ZFHX3: variants seen among roughly 807,000 people sequenced by gnomAD.
ZFHX3 encodes the protein zinc finger homeobox 3.
In ZFHX3, 42 loss-of-function variants were observed where a neutral mutation model predicts 279.1. That is an observed-to-expected ratio of 0.15 (90% CI 0.12 to 0.19). ZFHX3 has a LOEUF of 0.19. Among genes scored for constraint, ZFHX3 ranks in the 10% least tolerant of loss-of-function variants. The probability of loss-of-function intolerance (pLI) is 1.00; values close to 1 mark genes in which losing one functional copy is unlikely to be tolerated. For missense variants in ZFHX3, 4,981 were observed against 4,754.0 expected, an observed-to-expected ratio of 1.05 and a Z score of -1.40; for synonymous variants, 2,293 against 1,957.8, an observed-to-expected ratio of 1.17 and a Z score of -4.52.
At chr16:73,357,355 G>A (rs541521633) in intron 3 of ZFHX3, among the ~76,000 whole-genome samples, 57 of 150,718 alleles carry the variant, frequency 3.8e-4, no homozygotes, top group Middle Eastern at 3.4e-3. Flanking sequence ...GAGAGAGAGA[G>A]AAAACAGGAA....
At chr16:73,622,587 A>C (rs781321459) in intron 2 of ZFHX3, among the ~76,000 whole-genome samples, 2 of 151,862 alleles carry the variant, frequency 1.3e-5, no homozygotes, top group Non-Finnish European at 2.9e-5. Flanking sequence ...GAAAGAAAGA[A>C]AGAATTTGGA....
At chr16:72,834,935 C>G (rs1213853977) in intron 4 of ZFHX3, among the ~76,000 whole-genome samples, 3 of 152,190 alleles carry the variant, frequency 2.0e-5, no homozygotes, top group Non-Finnish European at 2.9e-5. Flanking sequence ...ACTAGTCCCT[C>G]TGTTCCTAAC....
intron 2 of ZFHX3, among the ~76,000 whole-genome samples, chr16:73,508,337 A>T (rs531640761): frequency 3.4e-4 from 52 of 152,242 alleles, no homozygotes; most frequent in South Asian, 1.5e-3. Flanking sequence ...CTCTTTACTC[A>T]TCTAAAAAGA....
chr16:73,882,632 C>T (rs923153819), intron 1 of ZFHX3, among the ~76,000 whole-genome samples: 1 of 151,944 alleles, frequency 6.6e-6, no homozygotes, highest in African/African-American at 2.4e-5. Context: ...AAGATAGAGC[C>T]AGGGTCTGGA....
chr16:73,285,852 TA>T (rs2014582328), intron 4 of ZFHX3, among the ~76,000 whole-genome samples: 1 of 152,220 alleles, frequency 6.6e-6, no homozygotes, highest in African/African-American at 2.4e-5. Context: ...TTTACATTAT[TA>T]AAAACACACG....
chr16:72,864,449 A>G (rs1476646), intron 4 of ZFHX3, among the ~76,000 whole-genome samples: 2 of 150,488 alleles, frequency 1.3e-5, no homozygotes, highest in East Asian at 2.0e-4. Context: ...TTGTCTTTGT[A>G]GGAAGTCTTG....
intron 3 of ZFHX3, among the ~76,000 whole-genome samples, chr16:73,431,071 A>T (rs1248203043): frequency 1.3e-5 from 2 of 152,232 alleles, no homozygotes; most frequent in African/African-American, 2.4e-5. Flanking sequence ...AATTACAGAG[A>T]AAGAGTGGAT....
At chr16:72,858,876 G>A (rs1227309186) in intron 4 of ZFHX3, among the ~76,000 whole-genome samples, 1 of 152,208 alleles carries the variant, frequency 6.6e-6, no homozygotes, top group East Asian at 1.9e-4. Context: ...CGGGTCTCCT[G>A]CTCAGCTTCA....
intron 9 of ZFHX3, chr16:72,790,614 G>T (rs2035658174): frequency 1.3e-5 from 2 of 152,250 alleles, no homozygotes; most frequent in African/African-American, 4.8e-5. Context: ...TAGCCAAGGA[G>T]AAAGGTTCCT....
intron 5 of ZFHX3, among the ~76,000 whole-genome samples, chr16:73,252,274 G>T (rs1004470773): frequency 2.6e-5 from 4 of 152,174 alleles, no homozygotes; most frequent in African/African-American, 9.7e-5. Flanking sequence ...AAGAAGAAAA[G>T]ACTTGAGGTG....
chr16:73,406,133 C>T (rs911064246), intron 3 of ZFHX3, among the ~76,000 whole-genome samples: 14 of 152,372 alleles, frequency 9.2e-5, no homozygotes, highest in African/African-American at 2.2e-4. Flanking sequence ...CAGATGCCTG[C>T]GCATCAGCTG....
At chr16:72,887,746 C>T (rs1414825910) in intron 4 of ZFHX3, among the ~76,000 whole-genome samples, 1 of 148,968 alleles carries the variant, frequency 6.7e-6, no homozygotes, top group Non-Finnish European at 1.5e-5. Context: ...TAGTATATGG[C>T]TTGTGTGGGT....
At chr16:73,106,304 G>C (rs554227938) in intron 7 of ZFHX3, among the ~76,000 whole-genome samples, 1 of 152,134 alleles carries the variant, frequency 6.6e-6, no homozygotes, top group African/African-American at 2.4e-5. Context: ...TTATTATTTA[G>C]TGATGGTGAA....
At chr16:73,572,319 C>T (rs550679249) in intron 2 of ZFHX3, among the ~76,000 whole-genome samples, 2 of 152,200 alleles carry the variant, frequency 1.3e-5, no homozygotes, top group East Asian at 1.9e-4. Context: ...TGAAGAGTCA[C>T]GGCCTGCATT....
At position 72,835,625 on chromosome 16, in the gene ZFHX3, G is replaced by A. The variant is rs150566701; in HGVS notation, c.3449-5766C>T. Reference sequence around the variant, plus strand: ...GACCACTGAAGCAGGTGGGAAAGGCGGGGTACACTCTGACCATCAAGACTG... The same window carrying A: ...GACCACTGAAGCAGGTGGGAAAGGCAGGGTACACTCTGACCATCAAGACTG... On this transcript the variant is annotated intron_variant, in intron 4 of 9. Coordinates refer to ENST00000268489, the MANE Select transcript of ZFHX3 (RefSeq NM_006885.4). 4.4e-4 allele frequency among the ~76,000 whole-genome samples: 67 copies of A among 152,122 alleles called. No individual in the cohort carries two copies. In the South Asian group the frequency reaches 6.5e-3, roughly 15 times the overall value.
At chr16:73,775,437 C>T (rs1013745893) in intron 1 of ZFHX3, among the ~76,000 whole-genome samples, 2 of 152,130 alleles carry the variant, frequency 1.3e-5, no homozygotes, top group South Asian at 2.1e-4. Flanking sequence ...TAAATCTATC[C>T]TCTATCAGCT....
At chr16:73,330,226 AG>A (rs1473324735) in intron 3 of ZFHX3, among the ~76,000 whole-genome samples, 2 of 152,224 alleles carry the variant, frequency 1.3e-5, no homozygotes, top group Non-Finnish European at 2.9e-5. Flanking sequence ...CAGGTGGCCC[AG>A]GTAGTAGCTA....
intron 7 of ZFHX3, among the ~76,000 whole-genome samples, chr16:73,094,233 G>C (rs941723456): frequency 6.6e-6 from 1 of 152,138 alleles, no homozygotes; most frequent in African/African-American, 2.4e-5. Context: ...TCCCTGGAAG[G>C]TTCTTTCCTG....
chr16:73,222,052 C>G (rs1239007356), intron 5 of ZFHX3, among the ~76,000 whole-genome samples: 2 of 151,782 alleles, frequency 1.3e-5, no homozygotes, highest in Non-Finnish European at 2.9e-5. Flanking sequence ...CTCTTTTTTT[C>G]ACATCTCTGA....
Sources: gnomAD v4.1 joint callset for allele counts (sites outside exome capture counted in the v4.1 genomes callset) on GRCh38, gnomAD v4.1.1 for gene constraint, MANE v1.5 for transcripts, NCBI Gene and HGNC (gene_info 2026-07-23, HGNC 2026-07-21) for gene names.